Variants in AP1S1 observed in about 807,000 individuals in gnomAD.
AP1S1 encodes adaptor related protein complex 1 subunit sigma 1.
Under a neutral mutation model 23.9 loss-of-function variants are expected in AP1S1, and 13 were observed. That is an observed-to-expected ratio of 0.54 (90% CI 0.35 to 0.86). The LOEUF is 0.86. Among genes scored for constraint, AP1S1 ranks in the 40% least tolerant of loss-of-function variants. The probability of loss-of-function intolerance (pLI) is 0.01; values close to 1 mark genes in which losing one functional copy is unlikely to be tolerated. For missense variants in AP1S1, 119 were observed against 197.6 expected (o/e 0.60, Z 2.38); for synonymous variants, 84 against 77.7 (o/e 1.08, Z -0.43).
intron 1 of AP1S1, 21 bp downstream of exon 1, chr7:101,154,538 G>C: frequency 6.4e-7 from 1 of 1,565,404 alleles, no homozygotes. Context: ...CGAAGAGGGA[G>C]GGGAGGGGGA....
chr7:101,159,249 G>A (rs1157414805), intron 4 of AP1S1, 53 bp downstream of exon 4: 26 of 1,560,262 alleles, frequency 1.7e-5, no homozygotes, highest in Non-Finnish European at 2.3e-5. Flanking sequence ...GGCGGACAGG[G>A]TCCTCCCTCC....
rs1435041403 is a variant in AP1S1 at position 101,161,093 on chromosome 7, A to C, written c.*527A>C. 4 of 293,846 alleles carry C rather than the reference A, an allele frequency of 1.4e-5. No homozygotes were observed. Among genetic ancestry groups the C allele is most frequent in the African/African-American group, 2.3e-5 (1 of 44,288 alleles). The allele number at this position is 293,846 out of a possible 1,614,324, so 18.2% of individuals were successfully genotyped here. On this transcript the variant is annotated 3_prime_UTR_variant, in exon 5 of 5. Transcript: ENST00000337619. ...GGAACAACATAGTTAATTTTTTTCT[A>C]ACCTTGCCACTTTGAGGGAAGGAAG...
Position 101,154,485 on chromosome 7 carries a change from A to G in AP1S1, c.-30A>G. ...TGGGACTGGCGCCTACGGTGGCCGA[A>G]GTGGGACGCGCCGAGCCGGAGGCTG... On this transcript the variant is annotated 5_prime_UTR_variant, in exon 1 of 5. Transcript: ENST00000337619. The G allele has an allele frequency of 1.3e-6, 2 of 1,567,100 alleles. No homozygotes were observed. The highest frequency in any genetic ancestry group is 1.7e-6 in the Non-Finnish European group (2 of 1,156,994).
At chr7:101,159,842 G>A (rs1797059201) in intron 4 of AP1S1, among the ~76,000 whole-genome samples, 2 of 151,818 alleles carry the variant, frequency 1.3e-5, no homozygotes, top group African/African-American at 2.4e-5. Context: ...GAGCGAGCCC[G>A]GCCTGAGCTG....
intron 4 of AP1S1, 114 bp from the exon 5 acceptor site, chr7:101,160,405 C>T (rs904350538): frequency 7.8e-7 from 1 of 1,288,348 alleles, no homozygotes; most frequent in South Asian, 1.2e-5. Flanking sequence ...CTTCTCTCCC[C>T]CTCCCCCGTG....
chr7:101,156,837 G>C (rs2116687135), intron 2 of AP1S1, 65 bp downstream of exon 2: 1 of 1,397,408 alleles, frequency 7.2e-7, no homozygotes, highest in Admixed American at 2.7e-5. Context: ...AAATGTCTGA[G>C]AAATGGTCGT....
chr7:101,161,169 T>G lies in AP1S1; in HGVS notation c.*603T>G. 4.6e-6 allele frequency: 1 copy of G among 218,292 alleles called. No homozygotes were observed. Among genetic ancestry groups the G allele is most frequent in the South Asian group, 5.8e-5 (1 of 17,116 alleles). The allele number at this position is 218,292 out of a possible 1,614,324, so 13.5% of individuals were successfully genotyped here. A position where few individuals can be genotyped will look rare whatever the true frequency, so the allele number is the denominator to read the frequency against. On this transcript the variant is annotated 3_prime_UTR_variant, in exon 5 of 5. Transcript: ENST00000337619. ...GGACCCTGGTCCTGGCCCTGGCCTT[T>G]CACTCCAGTTCTGGGTGAGGCAGGA...
intron 1 of AP1S1, 47 bp downstream of exon 1, chr7:101,154,564 C>G (rs1157310813): frequency 6.5e-7 from 1 of 1,548,640 alleles, no homozygotes; most frequent in Admixed American, 2.0e-5. Flanking sequence ...GGGGCGTGGG[C>G]TGCACCTGCG....
rs766098038 is a variant in AP1S1 at position 101,160,513 on chromosome 7, C to T, written c.430-6C>T. On this transcript the variant is annotated splice_polypyrimidine_tract_variant and splice_region_variant and intron_variant, in intron 4 of 4. Coordinates refer to ENST00000337619, the MANE Select transcript of AP1S1 (RefSeq NM_001283.5). ...CTGCGTCACCCTCTGTCTGTCTCTG[C>T]CTTAGGAGGATGAGTCGCCACGGAG... 23 of 1,611,248 alleles carry T rather than the reference C, an allele frequency of 1.4e-5. No individual in the cohort carries two copies. The highest frequency in any genetic ancestry group is 1.9e-5 in the Non-Finnish European group (23 of 1,179,868).
intron 4 of AP1S1, among the ~76,000 whole-genome samples, chr7:101,159,841 C>A (rs376298718): frequency 6.6e-6 from 1 of 151,738 alleles, no homozygotes; most frequent in East Asian, 1.9e-4. Flanking sequence ...TGAGCGAGCC[C>A]GGCCTGAGCT....
chr7:101,154,900 C>T, intron 1 of AP1S1: 1 of 1,062,252 alleles, frequency 9.4e-7, no homozygotes, highest in Non-Finnish European at 1.2e-6. Context: ...ACCGAGACCC[C>T]CTTCCCGGGC....
chr7:101,159,993 C>CA, intron 4 of AP1S1, among the ~76,000 whole-genome samples: 1 of 151,316 alleles, frequency 6.6e-6, no homozygotes, highest in Non-Finnish European at 1.5e-5. Context: ...CGCGCACACA[C>CA]ACACACACAC....
At chr7:101,156,249 T>C (rs1471225212) in intron 1 of AP1S1, among the ~76,000 whole-genome samples, 1 of 152,028 alleles carries the variant, frequency 6.6e-6, no homozygotes, top group Non-Finnish European at 1.5e-5. Context: ...ATAATAATAA[T>C]AGCTAACATG....
intron 1 of AP1S1, among the ~76,000 whole-genome samples, chr7:101,156,093 G>C (rs577564256): frequency 1.3e-5 from 2 of 152,210 alleles, no homozygotes; most frequent in African/African-American, 4.8e-5. Flanking sequence ...TTAGCCGGGC[G>C]TGATGGCACG....
At chr7:101,158,518 G>C (rs756896791) in intron 3 of AP1S1, among the ~76,000 whole-genome samples, 6 of 152,120 alleles carry the variant, frequency 3.9e-5, no homozygotes, top group African/African-American at 1.2e-4. Context: ...ACAGATTTTG[G>C]GGGGAAGGCA....
Position 101,156,787 on chromosome 7 carries a change from ACT to A in AP1S1, c.182+16_182+17del. 6.6e-7 allele frequency: 1 copy of A among 1,521,134 alleles called. No individual in the cohort carries two copies. The allele number at this position is 1,521,134 out of a possible 1,614,324, so 94.2% of individuals were successfully genotyped here. On this transcript the variant is annotated intron_variant, in intron 2 of 4. Coordinates refer to ENST00000337619, the MANE Select transcript of AP1S1 (RefSeq NM_001283.5). The stretch of plus-strand genomic sequence containing the variant: ...GTCTATAAGAGGTGACTCCCCACCT[ACT>A]TTCAGACCTGCCTAGATTCAAGTTG...
At chr7:101,159,738 CCCCCGCCCTCA>C (rs775415699) in intron 4 of AP1S1, among the ~76,000 whole-genome samples, 68 of 151,900 alleles carry the variant, frequency 4.5e-4, no homozygotes, top group South Asian at 1.0e-3. Context: ...CTCCCCAGCG[CCCCCGCCCTCA>C]CCCCATTACT....
chr7:101,160,277 T>G (rs1371036121), intron 4 of AP1S1, among the ~76,000 whole-genome samples: 2 of 151,890 alleles, frequency 1.3e-5, no homozygotes, highest in African/African-American at 2.4e-5. Flanking sequence ...GTTCTCTGGG[T>G]GGTGACGGAC....
intron 2 of AP1S1, 118 bp from the exon 3 acceptor site, chr7:101,157,259 A>C (rs1797007177): frequency 1.4e-6 from 1 of 738,516 alleles, no homozygotes. Flanking sequence ...CCCTAGGGCC[A>C]CCTCACCTGT....
Sources: allele counts gnomAD v4.1 joint callset (sites outside exome capture counted in the v4.1 genomes callset), GRCh38; gene constraint gnomAD v4.1.1; transcripts MANE v1.5; gene names NCBI Gene and HGNC (gene_info 2026-07-23, HGNC 2026-07-21).